WNK1: variants seen among roughly 807,000 people sequenced by gnomAD.
WNK1 encodes WNK lysine deficient protein kinase 1, also known as serine/threonine-protein kinase WNK1.
A neutral mutation model predicts 222.8 loss-of-function variants in WNK1; 38 were observed. The ratio of observed to expected loss-of-function variants is 0.17; its 90% CI spans 0.13 to 0.22. The LOEUF is 0.22. WNK1 is among the 10% of genes least tolerant of loss of function. The probability of loss-of-function intolerance (pLI) is 1.00; values close to 1 mark genes in which losing one functional copy is unlikely to be tolerated. For synonymous variants in WNK1, 1,090 were observed against 1,092.9 expected (o/e 1.00, Z 0.05); for missense variants, 2,348 against 2,918.4 (o/e 0.80, Z 4.50).
chr12:831,616 CTT>C (rs1000026168), intron 4 of WNK1, among the ~76,000 whole-genome samples: 13 of 151,854 alleles, frequency 8.6e-5, no homozygotes, highest in Non-Finnish European at 1.8e-4. Flanking sequence ...CAATACCAGT[CTT>C]ATCACTAAAT....
intron 1 of WNK1, among the ~76,000 whole-genome samples, chr12:784,233 GTATTT>G (rs1944037275): frequency 6.6e-6 from 1 of 151,932 alleles, no homozygotes. Context: ...TAAAGAAATT[GTATTT>G]TATTTATTTT....
intron 1 of WNK1, among the ~76,000 whole-genome samples, chr12:811,485 T>C (rs909641695): frequency 1.3e-5 from 2 of 152,166 alleles, no homozygotes; most frequent in African/African-American, 2.4e-5. Context: ...TAATAAAATT[T>C]TGTGAGTCAG....
At chr12:779,929 T>C (rs1248913143) in intron 1 of WNK1, among the ~76,000 whole-genome samples, 1 of 152,212 alleles carries the variant, frequency 6.6e-6, no homozygotes, top group Non-Finnish European at 1.5e-5. Context: ...ATAATAAGGC[T>C]CAGTACCTCT....
intron 4 of WNK1, among the ~76,000 whole-genome samples, chr12:832,363 G>A (rs1948868403): frequency 6.6e-6 from 1 of 152,066 alleles, no homozygotes; most frequent in Admixed American, 6.5e-5. Context: ...GCATGAGCCA[G>A]AAATGTTTAT....
At chr12:762,989 G>A (rs1043906625) in intron 1 of WNK1, among the ~76,000 whole-genome samples, 3 of 146,332 alleles carry the variant, frequency 2.1e-5, no homozygotes, top group South Asian at 2.3e-4. Flanking sequence ...CAGGCGATCC[G>A]CCAGCCTCGG....
chr12:876,887 A>C (rs1952667386), intron 9 of WNK1, among the ~76,000 whole-genome samples: 1 of 152,160 alleles, frequency 6.6e-6, no homozygotes, highest in South Asian at 2.1e-4. Context: ...AAGGTTATGC[A>C]CCAAACGACT....
chr12:851,861 G>A (rs1950445291), intron 4 of WNK1: 1 of 1,138,850 alleles, frequency 8.8e-7, no homozygotes, highest in Non-Finnish European at 1.1e-6. Flanking sequence ...TTCCAATATT[G>A]AAATTGTTAA....
Position 861,294 on chromosome 12 carries a change from A to G in WNK1, c.1902A>G (p.Ala634=). Residue 634 remains alanine (A), a synonymous_variant, in exon 7 of 28, where the codon GCA becomes GCG. Coordinates refer to ENST00000315939, the MANE Select transcript of WNK1 (RefSeq NM_018979.4). ...STQVEPEEPE[A]DQHQQLQYQQ... is the part of the protein sequence containing the mutation. The stretch of plus-strand genomic sequence containing the variant: ...AAGTAGAACCTGAAGAACCTGAGGC[A>G]GATCAACATCAACAACTACAGTACC... 1 of 1,614,192 alleles carries G rather than the reference A, an allele frequency of 6.2e-7. No individual in the cohort carries two copies. The highest frequency in any genetic ancestry group is 8.5e-7 in the Non-Finnish European group (1 of 1,180,028).
chr12:785,277 A>G (rs1465039476), intron 1 of WNK1, among the ~76,000 whole-genome samples: 1 of 151,894 alleles, frequency 6.6e-6, no homozygotes, highest in African/African-American at 2.4e-5. Context: ...ATCAATTCTG[A>G]AAATTTACCT....
intron 26 of WNK1, among the ~76,000 whole-genome samples, chr12:905,127 T>A (rs1955591049): frequency 6.6e-6 from 1 of 152,088 alleles, no homozygotes; most frequent in Non-Finnish European, 1.5e-5. Context: ...TAAAAATGAA[T>A]CTTGGGGGTA....
intron 20 of WNK1, among the ~76,000 whole-genome samples, chr12:887,634 G>A (rs1360017891): frequency 6.6e-6 from 1 of 152,060 alleles, no homozygotes; most frequent in Non-Finnish European, 1.5e-5. Flanking sequence ...TAGCGAAATT[G>A]CGTATATAAT....
At chr12:853,163 T>C (rs1255807734) in intron 4 of WNK1, among the ~76,000 whole-genome samples, 2 of 152,186 alleles carry the variant, frequency 1.3e-5, no homozygotes, top group Non-Finnish European at 2.9e-5. Flanking sequence ...TATCTAAATA[T>C]GTGGTATAGC....
intron 9 of WNK1, among the ~76,000 whole-genome samples, chr12:871,565 A>G (rs1433823298): frequency 6.6e-6 from 1 of 152,236 alleles, no homozygotes; most frequent in Non-Finnish European, 1.5e-5. Flanking sequence ...TTTAGTAGAC[A>G]TACATTATTA....
chr12:799,406 C>T (rs1945662397), intron 1 of WNK1, among the ~76,000 whole-genome samples: 5 of 151,892 alleles, frequency 3.3e-5, no homozygotes, highest in Admixed American at 3.3e-4. Context: ...GCTGGGATTA[C>T]AGGCATGAGC....
At chr12:886,206 GTATT>G in intron 19 of WNK1, 122 bp downstream of exon 19, 2 of 860,700 alleles carry the variant, frequency 2.3e-6, no homozygotes, top group Non-Finnish European at 3.4e-6. Context: ...CTGGCTTATA[GTATT>G]TATTAAATTG....
At chr12:767,577 C>T (rs553383250) in intron 1 of WNK1, among the ~76,000 whole-genome samples, 2 of 152,036 alleles carry the variant, frequency 1.3e-5, no homozygotes, top group Non-Finnish European at 2.9e-5. Flanking sequence ...TCAGCCTTAC[C>T]TACACATGCA....
At chr12:896,928 ACACACACACAC>A (rs1396132114) in intron 24 of WNK1, among the ~76,000 whole-genome samples, 196 bp downstream of exon 24, 10 of 86,672 alleles carry the variant, frequency 1.2e-4, no homozygotes, top group African/African-American at 4.3e-4. Flanking sequence ...ACACACACAC[ACACACACACAC>A]GATTCCCAAC....
chr12:794,271 A>G (rs942228190), intron 1 of WNK1, among the ~76,000 whole-genome samples: 2 of 152,202 alleles, frequency 1.3e-5, no homozygotes, highest in African/African-American at 4.8e-5. Flanking sequence ...TTGAGCAGAT[A>G]GTAAAGAGTG....
chr12:888,331 A>C (rs1230255991), intron 20 of WNK1, among the ~76,000 whole-genome samples: 6 of 152,248 alleles, frequency 3.9e-5, no homozygotes, highest in Non-Finnish European at 7.3e-5. Flanking sequence ...GTGCATTGTG[A>C]AAGTCCGTAA....
Sources: gnomAD v4.1 joint callset for allele counts (sites outside exome capture counted in the v4.1 genomes callset) on GRCh38, gnomAD v4.1.1 for gene constraint, MANE v1.5 for transcripts, NCBI Gene and HGNC (gene_info 2026-07-23, HGNC 2026-07-21) for gene names.